Variants in HIP1 observed in about 807,000 individuals in gnomAD.
The protein encoded by HIP1 is huntingtin interacting protein 1.
Under a neutral mutation model 147.6 loss-of-function variants are expected in HIP1, and 65 were observed. The observed-to-expected ratio is 0.44, with a 90% confidence interval of 0.36 to 0.54. HIP1 has a LOEUF of 0.54. HIP1 is among the 20% of genes least tolerant of loss of function. The pLI is 0.00. For missense variants in HIP1, 1,061 were observed against 1,299.6 expected (o/e 0.82, Z 2.82); for synonymous variants, 479 against 504.0 (o/e 0.95, Z 0.67).
At chr7:75,578,978 C>A (rs1424902048) in intron 7 of HIP1, among the ~76,000 whole-genome samples, 1 of 151,762 alleles carries the variant, frequency 6.6e-6, no homozygotes, top group African/African-American at 2.4e-5. Context: ...ATCAATCACG[C>A]CTGGCTAATT....
rs1797350269 is a variant in HIP1 at position 75,609,561 on chromosome 7, T to C, written c.121-10314A>G. 2.0e-5 allele frequency among the ~76,000 whole-genome samples: 3 copies of C among 151,902 alleles called. No homozygotes were observed. In the South Asian group the frequency reaches 6.2e-4, roughly 32 times the overall value. ...ACTCAACGGTACCGTTTTCTTTTTT[T>C]TTCTTTTTTTTTTTGAGAACAGAGT... On this transcript the variant is annotated intron_variant, in intron 1 of 30. Transcript: ENST00000336926.
chr7:75,581,363 C>T (rs1796035315), intron 6 of HIP1, 65 bp from the exon 7 acceptor site: 1 of 1,180,644 alleles, frequency 8.5e-7, no homozygotes, highest in Admixed American at 1.8e-5. Flanking sequence ...CCTGTCCCCT[C>T]CCCCACGCTC....
chr7:75,626,054 A>C (rs1554507957), intron 1 of HIP1: 1 of 152,126 alleles, frequency 6.6e-6, no homozygotes, highest in African/African-American at 2.4e-5. Flanking sequence ...CCAGTCACTG[A>C]ATCTGGTGGC....
At chr7:75,539,566 T>G in intron 29 of HIP1, 135 bp from the exon 30 acceptor site, 1 of 646,218 alleles carries the variant, frequency 1.5e-6, no homozygotes, top group Non-Finnish European at 2.6e-6. Flanking sequence ...GAGATCCTCC[T>G]GTCTTGGCCT....
chr7:75,681,864 G>T (rs950655698), intron 1 of HIP1, among the ~76,000 whole-genome samples: 1 of 151,654 alleles, frequency 6.6e-6, no homozygotes, highest in Non-Finnish European at 1.5e-5. Flanking sequence ...CTGTTCACCC[G>T]CCAGACACAT....
Position 75,599,203 on chromosome 7 carries a change from T to G in HIP1, c.165A>C (p.Val55=). 1 of 1,613,318 alleles carries G rather than the reference T, an allele frequency of 6.2e-7. No homozygotes were observed. The highest frequency in any genetic ancestry group is 1.1e-5 in the South Asian group (1 of 91,068). ...GGATATTTCTGGCGTGTTTTTCCTT[T>G]ACAGCCACTTCCTGCGTATTAATGG... ...NKAINTQEVA[V]KEKHARTCIL... is the part of the protein sequence containing the mutation. The change falls in exon 2 of 31, where the codon GTA becomes GTC. Residue 55 remains valine, a synonymous_variant. Coordinates refer to ENST00000336926, the MANE Select transcript of HIP1 (RefSeq NM_005338.7).
chr7:75,685,153 G>C (rs1038008388), intron 1 of HIP1, among the ~76,000 whole-genome samples: 2 of 151,954 alleles, frequency 1.3e-5, no homozygotes, highest in African/African-American at 4.8e-5. Flanking sequence ...GCTAGGCAGA[G>C]TGTAATCCTG....
intron 1 of HIP1, among the ~76,000 whole-genome samples, chr7:75,616,620 A>G (rs1005520091): frequency 3.0e-5 from 3 of 99,788 alleles, no homozygotes; most frequent in Non-Finnish European, 8.4e-5. Flanking sequence ...GAGGAAGAGG[A>G]GGAGGACGAG....
intron 1 of HIP1, among the ~76,000 whole-genome samples, chr7:75,612,157 G>C (rs1554505106): frequency 6.6e-6 from 1 of 152,198 alleles, no homozygotes; most frequent in Non-Finnish European, 1.5e-5. Flanking sequence ...CCCAGGCAAG[G>C]GGCCAGAGAA....
At chr7:75,660,629 G>A (rs1260996836) in intron 1 of HIP1, among the ~76,000 whole-genome samples, 2 of 152,132 alleles carry the variant, frequency 1.3e-5, no homozygotes, top group Non-Finnish European at 2.9e-5. Context: ...GAATGCAACC[G>A]GTAGACAGGA....
intron 4 of HIP1, among the ~76,000 whole-genome samples, chr7:75,589,777 C>A (rs1796428021): frequency 7.1e-6 from 1 of 140,880 alleles, no homozygotes; most frequent in Non-Finnish European, 1.5e-5. Context: ...GTCACCTAGG[C>A]TGGAGTGCAG....
intron 1 of HIP1, among the ~76,000 whole-genome samples, chr7:75,685,162 T>C (rs1416961168): frequency 1.3e-5 from 2 of 152,016 alleles, no homozygotes; most frequent in Non-Finnish European, 2.9e-5. Flanking sequence ...AGTGTAATCC[T>C]GGCACTGTGG....
intron 2 of HIP1, among the ~76,000 whole-genome samples, chr7:75,597,079 C>T (rs1271526705): frequency 2.6e-5 from 4 of 152,114 alleles, no homozygotes; most frequent in Admixed American, 2.0e-4. Flanking sequence ...GGGTACCAAA[C>T]GTGATGCAGG....
chr7:75,729,032 G>A (rs1801743460), intron 1 of HIP1, among the ~76,000 whole-genome samples: 1 of 150,256 alleles, frequency 6.7e-6, no homozygotes, highest in South Asian at 2.1e-4. Context: ...GTGACATGCA[G>A]TTTACCCATG....
At chr7:75,683,361 G>C (rs1199912808) in intron 1 of HIP1, among the ~76,000 whole-genome samples, 3 of 152,116 alleles carry the variant, frequency 2.0e-5, no homozygotes, top group African/African-American at 7.2e-5. Flanking sequence ...GAGCTGTAAT[G>C]GTCCCTTGTG....
chr7:75,682,489 G>C (rs1800122072), intron 1 of HIP1, among the ~76,000 whole-genome samples: 2 of 151,048 alleles, frequency 1.3e-5, no homozygotes, highest in Non-Finnish European at 2.9e-5. Context: ...TGAACTCCTG[G>C]GCTTAAGCCA....
At chr7:75,595,251 T>TCTTTCTTTCTTTCTTTCTTTCTTCCTTC (rs1491144475) in intron 2 of HIP1, among the ~76,000 whole-genome samples, 1 of 59,504 alleles carries the variant, frequency 1.7e-5, no homozygotes, top group Non-Finnish European at 3.1e-5. Flanking sequence ...TTTCTTTCTT[T>TCTTTCTTTCTTTCTTTCTTTCTTCCTTC]CTTCCTTCCT....
At chr7:75,578,020 A>G (rs1163167791) in intron 7 of HIP1, among the ~76,000 whole-genome samples, 3 of 152,106 alleles carry the variant, frequency 2.0e-5, no homozygotes, top group Non-Finnish European at 4.4e-5. Context: ...ACAAACACAC[A>G]AAAAACCAGA....
At chr7:75,599,365 C>A in intron 1 of HIP1, 118 bp from the exon 2 acceptor site, 1 of 778,892 alleles carries the variant, frequency 1.3e-6, no homozygotes, top group Non-Finnish European at 2.2e-6. Flanking sequence ...CCCCCAGCCC[C>A]ACGGGTGGTC....
Sources: gnomAD v4.1 joint callset for allele counts (sites outside exome capture counted in the v4.1 genomes callset) on GRCh38, gnomAD v4.1.1 for gene constraint, MANE v1.5 for transcripts, NCBI Gene and HGNC (gene_info 2026-07-23, HGNC 2026-07-21) for gene names.